The following PDS5B variants were observed in gnomAD, a reference collection of about 807,000 sequenced individuals.
PDS5B encodes the protein sister chromatid cohesion protein PDS5 homolog B.
PDS5B carries 51 observed loss-of-function variants against 184.1 expected under a neutral mutation model. The observed-to-expected ratio is 0.28, with a 90% CI of 0.22 to 0.35. The LOEUF (loss-of-function observed/expected upper bound fraction) is 0.35, where lower values mean the gene tolerates loss of function less well. Among genes scored for constraint, PDS5B ranks in the 10% least tolerant of loss-of-function variants. The pLI is 1.00. For synonymous variants in PDS5B, 566 were observed against 569.2 expected, an observed-to-expected ratio of 0.99 and a Z score of 0.08; for missense variants, 1,180 against 1,723.3, an observed-to-expected ratio of 0.68 and a Z score of 5.58.
At chr13:32,692,414 C>CTATTTTTTTTTTTTTT (rs1593440334) in intron 13 of PDS5B, among the ~76,000 whole-genome samples, 1 of 69,124 alleles carries the variant, frequency 1.4e-5, no homozygotes, top group African/African-American at 5.0e-5. Flanking sequence ...GTCCAAAAAG[C>CTATTTTTTTTTTTTTT]CTTTTTTTTT....
intron 14 of PDS5B, among the ~76,000 whole-genome samples, chr13:32,695,124 C>G (rs1951665385): frequency 6.6e-6 from 1 of 151,718 alleles, no homozygotes; most frequent in Non-Finnish European, 1.5e-5. Flanking sequence ...AAAACTCACA[C>G]CATTTGAGTG....
At chr13:32,606,704 G>A (rs768420886) in intron 1 of PDS5B, among the ~76,000 whole-genome samples, 33 of 152,280 alleles carry the variant, frequency 2.2e-4, no homozygotes, top group African/African-American at 2.9e-4. Flanking sequence ...TCAGGTACAC[G>A]AATCAGATGT....
At chr13:32,646,491 A>AT (rs1276002513) in intron 1 of PDS5B, among the ~76,000 whole-genome samples, 4 of 148,962 alleles carry the variant, frequency 2.7e-5, no homozygotes, top group Admixed American at 2.0e-4. Context: ...TGCTGTGAAC[A>AT]TTTTTTTATA....
At chr13:32,637,432 A>C (rs1446804189) in intron 1 of PDS5B, among the ~76,000 whole-genome samples, 4 of 152,150 alleles carry the variant, frequency 2.6e-5, no homozygotes, top group African/African-American at 9.7e-5. Flanking sequence ...GGAGAAAAAA[A>C]TTGGGAGACA....
intron 19 of PDS5B, among the ~76,000 whole-genome samples, chr13:32,720,551 T>G (rs948178708): frequency 4.6e-5 from 7 of 152,212 alleles, no homozygotes; most frequent in Non-Finnish European, 8.8e-5. Context: ...TATGGTAGTC[T>G]CTTAAGATTA....
At chr13:32,734,015 A>ACACAC (rs1555312887) in intron 20 of PDS5B, among the ~76,000 whole-genome samples, 1 of 58,154 alleles carries the variant, frequency 1.7e-5, no homozygotes, top group African/African-American at 1.2e-4. Flanking sequence ...CACACACACA[A>ACACAC]ACATATATTT....
At chr13:32,625,739 T>G (rs1483614260) in intron 1 of PDS5B, among the ~76,000 whole-genome samples, 1 of 151,892 alleles carries the variant, frequency 6.6e-6, no homozygotes, top group Non-Finnish European at 1.5e-5. Flanking sequence ...TTTTTTTTCC[T>G]GAGCATATTT....
chr13:32,726,869 T>C (rs1008534241), intron 19 of PDS5B, among the ~76,000 whole-genome samples: 1 of 152,184 alleles, frequency 6.6e-6, no homozygotes, highest in African/African-American at 2.4e-5. Flanking sequence ...TGAGCTATGA[T>C]TGTACCACTG....
intron 1 of PDS5B, among the ~76,000 whole-genome samples, chr13:32,604,092 G>T (rs1416333300): frequency 6.6e-6 from 1 of 152,284 alleles, no homozygotes; most frequent in South Asian, 2.1e-4. Context: ...GATTGCCCTG[G>T]CCAGAACTTC....
At chr13:32,752,320 C>T (rs535548310) in intron 24 of PDS5B, among the ~76,000 whole-genome samples, 21 of 152,032 alleles carry the variant, frequency 1.4e-4, no homozygotes, top group East Asian at 5.8e-4. Context: ...TAGAAAAACG[C>T]GTAATATATA....
chr13:32,622,303 C>T (rs1191144390), intron 1 of PDS5B, among the ~76,000 whole-genome samples: 1 of 151,960 alleles, frequency 6.6e-6, no homozygotes, highest in Admixed American at 6.6e-5. Flanking sequence ...ATTTTCTTTA[C>T]TATTCAATTA....
chr13:32,735,342 T>A lies in PDS5B; in HGVS notation c.2406+12T>A. 3 of 1,582,566 alleles carry A rather than the reference T, an allele frequency of 1.9e-6. No homozygotes were observed. Among genetic ancestry groups the A allele is most frequent in the Non-Finnish European group, 2.6e-6 (3 of 1,158,944 alleles). On this transcript the variant is annotated intron_variant, in intron 21 of 34. Transcript: ENST00000315596. ...TCATGAATGATCGGGTAATTTATAT[T>A]TTTTAGATTCATGTTCTTTGTAATG...
chr13:32,769,871 T>C (rs17754440), intron 31 of PDS5B, among the ~76,000 whole-genome samples: 2,743 of 152,304 alleles, frequency 0.018, 35 homozygotes, highest in Non-Finnish European at 0.028. Flanking sequence ...ATACTGATCT[T>C]GAGAGGTTTC....
chr13:32,764,707 T>G (rs1593642364), intron 31 of PDS5B, 113 bp downstream of exon 31: 2 of 560,038 alleles, frequency 3.6e-6, no homozygotes, highest in African/African-American at 3.9e-5. Context: ...TTATTTTATT[T>G]TAGTGGTTTT....
intron 7 of PDS5B, among the ~76,000 whole-genome samples, chr13:32,668,534 T>G (rs1006137593): frequency 1.3e-5 from 2 of 152,174 alleles, no homozygotes; most frequent in Admixed American, 1.3e-4. Flanking sequence ...TTCTACAGAT[T>G]TAGGTGGCAG....
At chr13:32,771,464 C>T (rs1261892520) in intron 33 of PDS5B, among the ~76,000 whole-genome samples, 1 of 152,106 alleles carries the variant, frequency 6.6e-6, no homozygotes, top group African/African-American at 2.4e-5. Context: ...AGTAGCATGT[C>T]TTCTATTAGT....
chr13:32,601,332 C>T (rs1024786120), intron 1 of PDS5B, among the ~76,000 whole-genome samples: 1 of 152,168 alleles, frequency 6.6e-6, no homozygotes, highest in Non-Finnish European at 1.5e-5. Context: ...TTAAACTGGG[C>T]GTTAAACACA....
intron 1 of PDS5B, among the ~76,000 whole-genome samples, chr13:32,641,628 ACTTT>A (rs1436387221): frequency 1.3e-5 from 2 of 151,624 alleles, no homozygotes; most frequent in African/African-American, 4.8e-5. Flanking sequence ...CATTTTCTTG[ACTTT>A]CTTCTGTTTT....
At chr13:32,602,582 C>T (rs2057994184) in intron 1 of PDS5B, among the ~76,000 whole-genome samples, 1 of 152,118 alleles carries the variant, frequency 6.6e-6, no homozygotes, top group Admixed American at 6.5e-5. Flanking sequence ...TTTATAGCAG[C>T]ATGACTTATA....
Sources: allele counts gnomAD v4.1 joint callset (sites outside exome capture counted in the v4.1 genomes callset), GRCh38; gene constraint gnomAD v4.1.1; transcripts MANE v1.5; gene names NCBI Gene and HGNC (gene_info 2026-07-23, HGNC 2026-07-21).